The following RBM28 variants were observed in gnomAD, a reference collection of about 807,000 sequenced individuals.
RBM28 encodes the protein RNA binding motif protein 28.
In RBM28, 78 loss-of-function variants were observed where a neutral mutation model predicts 98.3. That is an observed-to-expected ratio of 0.79 (90% confidence interval 0.66 to 0.96). The LOEUF is 0.96. RBM28 is among the 40% of genes least tolerant of loss of function. The probability of loss-of-function intolerance (pLI) is 0.00; values close to 1 mark genes in which losing one functional copy is unlikely to be tolerated. For missense variants in RBM28, 838 were observed against 913.0 expected (o/e 0.92, Z 1.06); for synonymous variants, 306 against 330.9 (o/e 0.92, Z 0.82).
chr7:128,337,621 C>T (rs922380578), intron 5 of RBM28, among the ~76,000 whole-genome samples: 8 of 145,754 alleles, frequency 5.5e-5, no homozygotes, highest in African/African-American at 2.0e-4. Flanking sequence ...TGCAGTGGTG[C>T]CATCTCAGTT....
Position 128,341,201 on chromosome 7 carries a change from G to A in RBM28, c.119-1410C>T, listed in dbSNP as rs73721364. 5.5e-3 allele frequency: 7,084 copies of A among 1,288,218 alleles called. 239 individuals are homozygous for A. The African/African-American group carries it at 0.081, about 15-fold the overall frequency. 79.8% of individuals were successfully genotyped at this position (1,288,218 alleles called of 1,614,324 possible). A position where few individuals can be genotyped will look rare whatever the true frequency, so the allele number is the denominator to read the frequency against. On this transcript the variant is annotated intron_variant, in intron 1 of 18. Coordinates refer to ENST00000223073, the MANE Select transcript of RBM28 (RefSeq NM_018077.3). ...TTCAGGGTATAAGCCCTTTGACACA[G>A]GACACTGATCTACATAAACTGGTTA...
rs2116290061 is a variant in RBM28 at position 128,298,837 on chromosome 7, C to CT, written c.*11959dup. ...CCAGCCTGGGCAACATAGCGAAACT[C>CT]TGTCTCTATAACAAATACACCAAAA... On this transcript the variant is annotated 3_prime_UTR_variant, in exon 19 of 19. Transcript: ENST00000223073. 6.6e-6 allele frequency: 1 copy of CT among 152,252 alleles called. No individual in the cohort carries two copies. Among genetic ancestry groups the CT allele is most frequent in the African/African-American group, 2.4e-5 (1 of 41,498 alleles). 9.4% of individuals were successfully genotyped at this position (152,252 alleles called of 1,614,324 possible).
In RBM28 at chr7:128,301,957, A is replaced by C. The variant is rs1182936670; in HGVS notation, c.*8840T>G. ...GAAAATGCAAGAGGTGCTTGGAGCA[A>C]ACAGGGAGTGTCCTGTCACTGAAGG... On this transcript the variant is annotated 3_prime_UTR_variant, in exon 19 of 19. Coordinates refer to ENST00000223073, the MANE Select transcript of RBM28 (RefSeq NM_018077.3). 6.6e-6 allele frequency: 1 copy of C among 152,032 alleles called. No individual in the cohort carries two copies. The highest frequency in any genetic ancestry group is 1.5e-5 in the Non-Finnish European group (1 of 68,046). 9.4% of individuals were successfully genotyped at this position (152,032 alleles called of 1,614,324 possible). A position where few individuals can be genotyped will look rare whatever the true frequency, so the allele number is the denominator to read the frequency against.
chr7:128,332,963 G>A (rs575218411), intron 9 of RBM28, among the ~76,000 whole-genome samples: 1 of 152,324 alleles, frequency 6.6e-6, no homozygotes, highest in African/African-American at 2.4e-5. Context: ...GAGACAAGCA[G>A]TGTCAATCCT....
At position 128,305,700 on chromosome 7, in the gene RBM28, TC is replaced by T. The variant is rs775155761; in HGVS notation, c.*5096del. ...CCGCCTTGTGCATACAGACTGGGAGTCCCTTGGGTAGCGGGGGACAGGAATG... is the reference window on the plus strand; with the variant it reads ...CCGCCTTGTGCATACAGACTGGGAGTCCTTGGGTAGCGGGGGACAGGAATG... On this transcript the variant is annotated 3_prime_UTR_variant, in exon 19 of 19. Coordinates refer to ENST00000223073, the MANE Select transcript of RBM28 (RefSeq NM_018077.3). 7.2e-5 allele frequency: 11 copies of T among 152,002 alleles called. No homozygotes were observed. The highest frequency in any genetic ancestry group is 1.6e-4 in the Non-Finnish European group (11 of 68,020). 9.4% of individuals were successfully genotyped at this position (152,002 alleles called of 1,614,324 possible). A position where few individuals can be genotyped will look rare whatever the true frequency, so the allele number is the denominator to read the frequency against.
chr7:128,324,406 C>T (rs1187155732), intron 12 of RBM28, among the ~76,000 whole-genome samples, 153 bp downstream of exon 12: 1 of 152,150 alleles, frequency 6.6e-6, no homozygotes, highest in African/African-American at 2.4e-5. Flanking sequence ...AATAGAGAGC[C>T]ACATTTATTA....
intron 11 of RBM28, 106 bp downstream of exon 11, chr7:128,325,712 T>C (rs1796334356): frequency 1.2e-6 from 1 of 806,852 alleles, no homozygotes; most frequent in Non-Finnish European, 2.1e-6. Flanking sequence ...AGTTTTATTA[T>C]TACTGACAAG....
In RBM28 at chr7:128,314,732, C is replaced by T. The variant is rs772930352; in HGVS notation, c.2045+32G>A. 1.9e-5 allele frequency: 30 copies of T among 1,614,064 alleles called. 1 individual carries two copies. The Admixed American group carries it at 4.8e-4, about 26-fold the overall frequency. ...AACAAACCCGCTTAGAACCCACCCA[C>T]TGTTCTGTGCTTCTGCCCTCCTGCA... On this transcript the variant is annotated intron_variant, in intron 17 of 18. Coordinates refer to ENST00000223073, the MANE Select transcript of RBM28 (RefSeq NM_018077.3).
intron 2 of RBM28, 41 bp downstream of exon 2, chr7:128,339,592 C>T: frequency 6.3e-7 from 1 of 1,596,124 alleles, no homozygotes. Context: ...TGCTCCTCCT[C>T]ACCCTGGGAG....
At position 128,300,984 on chromosome 7, in the gene RBM28, C is replaced by T. The variant is rs1316816571; in HGVS notation, c.*9813G>A. ...GGGCACTGAGGAGGATGGGTCACCC[C>T]GGGAGCAGAGCCTGGCTCATATCCT... On this transcript the variant is annotated 3_prime_UTR_variant, in exon 19 of 19. Coordinates refer to ENST00000223073, the MANE Select transcript of RBM28 (RefSeq NM_018077.3). 3 of 152,482 alleles carry T rather than the reference C, an allele frequency of 2.0e-5. No homozygotes were observed. The highest frequency in any genetic ancestry group is 2.9e-5 in the Non-Finnish European group (2 of 68,280). 9.4% of individuals were successfully genotyped at this position (152,482 alleles called of 1,614,324 possible).
rs1795728210 is a variant in RBM28 at position 128,297,933 on chromosome 7, A to G, written c.*12864T>C. ...ATTCTCACTCATAGGTGGGAATTGA[A>G]CAATGAGAACACATGGACACAGGAA... On this transcript the variant is annotated 3_prime_UTR_variant, in exon 19 of 19. Transcript: ENST00000223073. 1 of 142,656 alleles carries G rather than the reference A, an allele frequency of 7.0e-6. No individual in the cohort carries two copies. 8.8% of individuals were successfully genotyped at this position (142,656 alleles called of 1,614,324 possible).
intron 5 of RBM28, among the ~76,000 whole-genome samples, chr7:128,338,003 G>A (rs1192960060): frequency 2.0e-5 from 3 of 152,222 alleles, no homozygotes; most frequent in East Asian, 1.9e-4. Flanking sequence ...AATTATCTCA[G>A]GGACATTTTT....
At position 128,301,469 on chromosome 7, in the gene RBM28, GGC is replaced by G. The variant is rs1449818664; in HGVS notation, c.*9326_*9327del. 1 of 152,358 alleles carries G rather than the reference GGC, an allele frequency of 6.6e-6. No individual in the cohort carries two copies. Among genetic ancestry groups the G allele is most frequent in the Non-Finnish European group, 1.5e-5 (1 of 68,142 alleles). The allele number at this position is 152,358 out of a possible 1,614,324, so 9.4% of individuals were successfully genotyped here. On this transcript the variant is annotated 3_prime_UTR_variant, in exon 19 of 19. Coordinates refer to ENST00000223073, the MANE Select transcript of RBM28 (RefSeq NM_018077.3). ...GTCAGCACTGACAGGGGCAACACCT[GGC>G]CTGGCACAAGGCTCTCCGCTTCTTG...
At chr7:128,316,876 T>G (rs561216926) in intron 16 of RBM28, among the ~76,000 whole-genome samples, 61 of 152,326 alleles carry the variant, frequency 4.0e-4, no homozygotes, top group African/African-American at 1.4e-3. Flanking sequence ...GAATGGCTCG[T>G]CTGTTGGTAA....
rs144766840 is a variant in RBM28 at position 128,337,446 on chromosome 7, T to TA, written c.542-245dup. On this transcript the variant is annotated intron_variant, in intron 5 of 18. Coordinates refer to ENST00000223073, the MANE Select transcript of RBM28 (RefSeq NM_018077.3). ...CCACCACACCTGGGATAAGATGGAGTAAAAAAATAAAGAATTAGAACTATG... is the reference window on the plus strand; with the variant it reads ...CCACCACACCTGGGATAAGATGGAGTAAAAAAAATAAAGAATTAGAACTATG... Among the ~76,000 whole-genome samples the TA allele has an allele frequency of 5.9e-5, 9 of 151,694 alleles. No individual in the cohort carries two copies. The East Asian group carries it at 1.7e-3, about 29-fold the overall frequency.
At position 128,343,849 on chromosome 7, in the gene RBM28, G is replaced by T. The variant is rs542212858; in HGVS notation, c.-56C>A. 1.2e-4 allele frequency: 155 copies of T among 1,283,684 alleles called. No individual in the cohort carries two copies. In the African/African-American group the frequency reaches 2.1e-3, roughly 17 times the overall value. The allele number at this position is 1,283,684 out of a possible 1,614,324, so 79.5% of individuals were successfully genotyped here. A position where few individuals can be genotyped will look rare whatever the true frequency, so the allele number is the denominator to read the frequency against. ...GCGAGCAAACTAGGCCGGCGCACGCGAGCCGAAACGCTGGCTTTGGTAGGA... is the reference window on the plus strand; with the variant it reads ...GCGAGCAAACTAGGCCGGCGCACGCTAGCCGAAACGCTGGCTTTGGTAGGA... On this transcript the variant is annotated 5_prime_UTR_variant, in exon 1 of 19. Coordinates refer to ENST00000223073, the MANE Select transcript of RBM28 (RefSeq NM_018077.3).
At chr7:128,321,197 C>A in intron 14 of RBM28, 69 bp downstream of exon 14, 3 of 1,596,696 alleles carry the variant, frequency 1.9e-6, no homozygotes, top group Non-Finnish European at 2.6e-6. Context: ...GCACCACAGC[C>A]TGAGGGAAAT....
At chr7:128,323,149 A>C (rs1013383150) in intron 13 of RBM28, among the ~76,000 whole-genome samples, 1 of 152,112 alleles carries the variant, frequency 6.6e-6, no homozygotes, top group Non-Finnish European at 1.5e-5. Flanking sequence ...TCCCTTCTCT[A>C]ATAACTCCAG....
In RBM28 at chr7:128,301,648, T is replaced by G. The variant is rs937852073; in HGVS notation, c.*9149A>C. 1.3e-5 allele frequency: 2 copies of G among 152,362 alleles called. No individual in the cohort carries two copies. The highest frequency in any genetic ancestry group is 2.9e-5 in the Non-Finnish European group (2 of 68,144). 9.4% of individuals were successfully genotyped at this position (152,362 alleles called of 1,614,324 possible). ...ACATGATCCCTCATTAAGACCCAGCTATTGCCTAAGGGTCACTGAGGGCCT... is the reference window on the plus strand; with the variant it reads ...ACATGATCCCTCATTAAGACCCAGCGATTGCCTAAGGGTCACTGAGGGCCT... On this transcript the variant is annotated 3_prime_UTR_variant, in exon 19 of 19. Transcript: ENST00000223073.
Sources: gnomAD v4.1 joint callset for allele counts (sites outside exome capture counted in the v4.1 genomes callset) on GRCh38, gnomAD v4.1.1 for gene constraint, MANE v1.5 for transcripts, NCBI Gene and HGNC (gene_info 2026-07-23, HGNC 2026-07-21) for gene names.